The following LYST variants were observed in gnomAD, a reference collection of about 807,000 sequenced individuals.
The protein encoded by LYST is lysosomal trafficking regulator.
In LYST, 192 loss-of-function variants were observed where a neutral mutation model predicts 413.6. That is an observed-to-expected ratio of 0.46 (90% CI 0.41 to 0.52). LYST has a LOEUF of 0.52. Among genes scored for constraint, LYST ranks in the 20% least tolerant of loss-of-function variants. The pLI, the probability that LYST is intolerant of heterozygous loss-of-function variation, is 0.00. For synonymous variants in LYST, 1,525 were observed against 1,567.3 expected (o/e 0.97, Z 0.64); for missense variants, 3,815 against 4,499.9 (o/e 0.85, Z 4.35).
In LYST at chr1:235,724,000, A is replaced by G. The variant is rs78425567; in HGVS notation, c.9315+28T>C. ...AGTGGCCCATGAGCACTTAAACAAT[A>G]TATATCAATTAATAAGGGTGAATTT... is the stretch of plus-strand genomic sequence containing the variant. On this transcript the variant is annotated intron_variant, in intron 39 of 52. Transcript: ENST00000389793. The G allele has an allele frequency of 8.5e-4, 1,361 of 1,593,278 alleles. 33 individuals carry two copies. In the East Asian group the frequency reaches 0.03, roughly 35 times the overall value.
intron 47 of LYST, among the ~76,000 whole-genome samples, chr1:235,691,035 G>A (rs1660607515): frequency 6.6e-6 from 1 of 151,884 alleles, no homozygotes; most frequent in Non-Finnish European, 1.5e-5. Context: ...TCCTGCCTCA[G>A]CCTCCCGAGT....
intron 47 of LYST, among the ~76,000 whole-genome samples, chr1:235,691,164 C>T (rs1369692916): frequency 6.6e-6 from 1 of 152,206 alleles, no homozygotes; most frequent in Non-Finnish European, 1.5e-5. Flanking sequence ...GTGATCCGCC[C>T]GCCTCGGCCT....
chr1:235,773,743 T>C (rs1668941823), intron 19 of LYST, 99 bp downstream of exon 19: 1 of 909,412 alleles, frequency 1.1e-6, no homozygotes, highest in Non-Finnish European at 1.8e-6. Flanking sequence ...ATGCACTTAA[T>C]GCCACTGAAC....
chr1:235,862,222 T>C (rs1449756037), intron 1 of LYST, among the ~76,000 whole-genome samples: 1 of 152,242 alleles, frequency 6.6e-6, no homozygotes, highest in African/African-American at 2.4e-5. Flanking sequence ...GAAAAGTAAC[T>C]TTAAATGACC....
chr1:235,775,030 G>A lies in LYST; in HGVS notation c.5517C>T (p.Leu1839=), dbSNP rs760118012. 1 of 1,611,354 alleles carries A rather than the reference G, an allele frequency of 6.2e-7. No individual in the cohort carries two copies. Among genetic ancestry groups the A allele is most frequent in the Non-Finnish European group, 8.5e-7 (1 of 1,178,742 alleles). ...TTTGTTGGTTGTATTTAATTAATGA[G>A]AGTATAACTCGCAGTGCTAATGCTT... ...ETQALALRVI[L]SLIKYNQQRV... Residue 1839 remains leucine, a synonymous_variant, in exon 18 of 53, where the codon CTC becomes CTT. Transcript: ENST00000389793.
intron 22 of LYST, among the ~76,000 whole-genome samples, chr1:235,761,578 C>T (rs1667585844): frequency 6.6e-6 from 1 of 152,126 alleles, no homozygotes; most frequent in Non-Finnish European, 1.5e-5. Context: ...AGCTCTGCTA[C>T]AACTTTCAGC....
chr1:235,750,225 G>C (rs1240221845), intron 28 of LYST, among the ~76,000 whole-genome samples: 1 of 152,174 alleles, frequency 6.6e-6, no homozygotes, highest in African/African-American at 2.4e-5. Context: ...GGCAGCTCAA[G>C]AAGAGACAGT....
At chr1:235,830,019 T>C (rs1675774577) in intron 3 of LYST, 1 of 550,648 alleles carries the variant, frequency 1.8e-6, no homozygotes. Context: ...TCTTAGGCAA[T>C]TCATAATTCT....
At chr1:235,746,633 T>C (rs1220740760) in intron 28 of LYST, 106 bp from the exon 29 acceptor site, 1 of 782,348 alleles carries the variant, frequency 1.3e-6, no homozygotes, top group African/African-American at 1.7e-5. Context: ...AACAACCTTA[T>C]TTACTACAAA....
At position 235,715,277 on chromosome 1, in the gene LYST, G is replaced by A. The variant is rs775142857; in HGVS notation, c.9708C>T (p.His3236=). 1 of 1,613,928 alleles carries A rather than the reference G, an allele frequency of 6.2e-7. No homozygotes were observed. Among genetic ancestry groups the A allele is most frequent in the Non-Finnish European group, 8.5e-7 (1 of 1,179,830 alleles). ...GAAGCACAGTGCCGCTATTGGAATA[G>A]TGGGAGCCATAGTGATAGGGCTGCA... ...PPVQPYHYGS[H]YSNSGTVLHF... Residue 3236 remains histidine, a synonymous_variant, in exon 42 of 53, where the codon CAC becomes CAT. Coordinates refer to ENST00000389793, the MANE Select transcript of LYST (RefSeq NM_000081.4).
chr1:235,813,374 T>A (rs1673665402), intron 3 of LYST, among the ~76,000 whole-genome samples: 1 of 152,170 alleles, frequency 6.6e-6, no homozygotes, highest in Non-Finnish European at 1.5e-5. Context: ...ACAGATTTGC[T>A]AGGTGAAAAT....
chr1:235,723,796 A>G (rs1472433188), intron 39 of LYST, among the ~76,000 whole-genome samples: 1 of 152,212 alleles, frequency 6.6e-6, no homozygotes, highest in Non-Finnish European at 1.5e-5. Context: ...ACCCTGCTAC[A>G]GCACTGAGCA....
chr1:235,762,574 A>G (rs929701495), intron 22 of LYST, 146 bp downstream of exon 22: 11 of 745,260 alleles, frequency 1.5e-5, no homozygotes, highest in East Asian at 5.7e-5. Context: ...CATTTTCTCA[A>G]TGCTCTTGAG....
Position 235,731,193 on chromosome 1 carries a change from T to C in LYST, c.8802-16A>G. ...CCATACTGCTCTGCAAGTAAAAAGA[T>C]TAAAGGGTGTTTTAAGTGACCATCC... is the stretch of plus-strand genomic sequence containing the variant. On this transcript the variant is annotated splice_polypyrimidine_tract_variant and intron_variant, in intron 34 of 52. Coordinates refer to ENST00000389793, the MANE Select transcript of LYST (RefSeq NM_000081.4). The C allele has an allele frequency of 6.2e-7, 1 of 1,613,562 alleles. No individual in the cohort carries two copies. The highest frequency in any genetic ancestry group is 8.5e-7 in the Non-Finnish European group (1 of 1,179,514).
rs66890524 is a variant in LYST, at chr1:235,666,225, TACACACACACACACACACAC to T, written c.11039-1624_11039-1605del. On this transcript the variant is annotated intron_variant, in intron 50 of 52. Coordinates refer to ENST00000389793, the MANE Select transcript of LYST (RefSeq NM_000081.4). Reference sequence around the variant, plus strand: ...GCATAAACAAAATGCAGTATGTACATACACACACACACACACACACACACACACACACACACACACACACA... The same window carrying T: ...GCATAAACAAAATGCAGTATGTACATACACACACACACACACACACACACA... Among the ~76,000 whole-genome samples, 874 of 136,006 alleles carry T rather than the reference TACACACACACACACACACAC, an allele frequency of 6.4e-3. 2 individuals carry two copies. The highest frequency in any genetic ancestry group is 9.1e-3 in the Admixed American group (122 of 13,336). 89.2% of individuals were successfully genotyped at this position (136,006 alleles called of 152,430 possible).
At chr1:235,670,834 A>C (rs916473867) in intron 50 of LYST, among the ~76,000 whole-genome samples, 1 of 152,192 alleles carries the variant, frequency 6.6e-6, no homozygotes, top group Non-Finnish European at 1.5e-5. Context: ...AGAAATCTCT[A>C]GTAAGAGAGG....
chr1:235,797,890 A>G (rs1442252403), intron 10 of LYST, among the ~76,000 whole-genome samples: 2 of 152,210 alleles, frequency 1.3e-5, no homozygotes, highest in East Asian at 3.8e-4. Context: ...AGAAATCAAT[A>G]TCCAGAATAT....
At chr1:235,666,202 A>C (rs992566773) in intron 50 of LYST, among the ~76,000 whole-genome samples, 1 of 150,148 alleles carries the variant, frequency 6.7e-6, no homozygotes, top group Non-Finnish European at 1.5e-5. Flanking sequence ...CAACAGATGC[A>C]TAAACAAAAT....
At chr1:235,836,563 C>T (rs894374218) in intron 1 of LYST, among the ~76,000 whole-genome samples, 5 of 151,958 alleles carry the variant, frequency 3.3e-5, no homozygotes, top group East Asian at 1.9e-4. Flanking sequence ...GCTGGATGTA[C>T]GGGATATTGA....
Sources: gnomAD v4.1 joint callset for allele counts (sites outside exome capture counted in the v4.1 genomes callset) on GRCh38, gnomAD v4.1.1 for gene constraint, MANE v1.5 for transcripts, NCBI Gene and HGNC (gene_info 2026-07-23, HGNC 2026-07-21) for gene names.